Variants in NKAIN3 observed in about 807,000 individuals in gnomAD.
NKAIN3 encodes the protein sodium/potassium transporting ATPase interacting 3.
A neutral mutation model predicts 30.2 loss-of-function variants in NKAIN3; 25 were observed. The ratio of observed to expected loss-of-function variants is 0.83; its 90% CI spans 0.60 to 1.16. The LOEUF (loss-of-function observed/expected upper bound fraction) is 1.16, where lower values mean the gene tolerates loss of function less well. Ranked by LOEUF, NKAIN3 falls within the 50% of genes most tolerant of loss-of-function variation. NKAIN3 has a pLI of 0.00. For missense variants in NKAIN3, 225 were observed against 254.1 expected (o/e 0.89, Z 0.78); for synonymous variants, 91 against 89.6 (o/e 1.02, Z -0.09).
intron 1 of NKAIN3, among the ~76,000 whole-genome samples, chr8:62,389,014 G>A (rs140699643): frequency 1.3e-5 from 2 of 152,248 alleles, no homozygotes; most frequent in African/African-American, 2.4e-5. Context: ...GGAGCAGCCC[G>A]TATTGAGCTC....
At chr8:62,960,107 CTG>C (rs2130903943) in intron 6 of NKAIN3, among the ~76,000 whole-genome samples, 1 of 152,302 alleles carries the variant, frequency 6.6e-6, no homozygotes, top group East Asian at 1.9e-4. Context: ...AGTGAAATGG[CTG>C]TGTGTATATA....
At chr8:62,495,835 C>G (rs1807221261) in intron 1 of NKAIN3, among the ~76,000 whole-genome samples, 1 of 152,070 alleles carries the variant, frequency 6.6e-6, no homozygotes, top group Admixed American at 6.6e-5. Context: ...TTCCCAAAGT[C>G]AGATAGCTAA....
At chr8:62,500,076 A>T (rs1807378063) in intron 1 of NKAIN3, among the ~76,000 whole-genome samples, 1 of 152,116 alleles carries the variant, frequency 6.6e-6, no homozygotes, top group Admixed American at 6.6e-5. Context: ...ACCGCTTGTC[A>T]CTGGGCAAGA....
chr8:62,883,115 A>T (rs1190590922), intron 4 of NKAIN3, among the ~76,000 whole-genome samples: 3 of 152,102 alleles, frequency 2.0e-5, no homozygotes, highest in Non-Finnish European at 4.4e-5. Context: ...TGGGATTTTG[A>T]TTGGAATTTT....
chr8:62,534,221 C>T (rs1431988526), intron 1 of NKAIN3, among the ~76,000 whole-genome samples: 1 of 152,082 alleles, frequency 6.6e-6, no homozygotes, highest in Non-Finnish European at 1.5e-5. Context: ...ACAGGAAGCC[C>T]GGGTCTGAGT....
intron 1 of NKAIN3, among the ~76,000 whole-genome samples, chr8:62,462,688 C>T (rs187321282): frequency 1.6e-4 from 24 of 152,200 alleles, no homozygotes; most frequent in African/African-American, 5.8e-4. Context: ...TATATATTTA[C>T]CTGTACAACA....
At chr8:62,622,970 A>C (rs1159159422) in intron 3 of NKAIN3, among the ~76,000 whole-genome samples, 2 of 151,904 alleles carry the variant, frequency 1.3e-5, no homozygotes, top group Non-Finnish European at 2.9e-5. Context: ...CATATAAGAT[A>C]AAATTAATAT....
At chr8:62,863,524 G>A in intron 4 of NKAIN3, 1 of 1,414,332 alleles carries the variant, frequency 7.1e-7, no homozygotes, top group Non-Finnish European at 9.9e-7. Flanking sequence ...AGTTGAACTT[G>A]ATGATCCAGT....
chr8:62,696,516 G>A (rs1184426494), intron 3 of NKAIN3, among the ~76,000 whole-genome samples: 1 of 152,028 alleles, frequency 6.6e-6, no homozygotes, highest in Non-Finnish European at 1.5e-5. Flanking sequence ...TCCTTCCTAG[G>A]AGCTAAAGGA....
intron 5 of NKAIN3, chr8:62,990,284 G>T: frequency 2.0e-6 from 3 of 1,472,638 alleles, no homozygotes; most frequent in Non-Finnish European, 1.8e-6. Context: ...AGCCTCATGT[G>T]CTTCCTAAGA....
intron 4 of NKAIN3, among the ~76,000 whole-genome samples, chr8:62,778,900 G>A (rs894648457): frequency 6.6e-6 from 1 of 151,980 alleles, no homozygotes; most frequent in Non-Finnish European, 1.5e-5. Flanking sequence ...ATTATTCCAG[G>A]CCCAAAGGCT....
intron 4 of NKAIN3, among the ~76,000 whole-genome samples, chr8:62,788,303 T>C (rs1437782787): frequency 6.6e-6 from 1 of 152,244 alleles, no homozygotes; most frequent in East Asian, 1.9e-4. Flanking sequence ...GATGAGCATT[T>C]TTTCATGTGT....
chr8:62,838,324 A>G (rs1302767580), intron 4 of NKAIN3, among the ~76,000 whole-genome samples: 1 of 151,828 alleles, frequency 6.6e-6, no homozygotes, highest in Non-Finnish European at 1.5e-5. Context: ...ATATACATAT[A>G]TATATACACA....
chr8:62,561,133 G>A (rs1221165024), intron 1 of NKAIN3, among the ~76,000 whole-genome samples: 2 of 151,930 alleles, frequency 1.3e-5, no homozygotes, highest in East Asian at 3.9e-4. Flanking sequence ...GGGCTTTTTT[G>A]TTTGCACTCA....
At chr8:62,782,686 C>T (rs1392338998) in intron 4 of NKAIN3, among the ~76,000 whole-genome samples, 1 of 150,808 alleles carries the variant, frequency 6.6e-6, no homozygotes, top group Non-Finnish European at 1.5e-5. Flanking sequence ...AAGGCAAATA[C>T]TACATGTTCT....
intron 1 of NKAIN3, among the ~76,000 whole-genome samples, chr8:62,510,085 G>A (rs1326669256): frequency 6.6e-6 from 1 of 152,046 alleles, no homozygotes; most frequent in Non-Finnish European, 1.5e-5. Flanking sequence ...TTTTAAGAGG[G>A]CCTTAAAAGT....
intron 4 of NKAIN3, among the ~76,000 whole-genome samples, chr8:62,775,228 T>A (rs1817151812): frequency 6.6e-6 from 1 of 152,124 alleles, no homozygotes; most frequent in Admixed American, 6.6e-5. Context: ...TCCTTTGAAT[T>A]TCTGTAGTAT....
chr8:62,414,833 A>G (rs1309263778), intron 1 of NKAIN3, among the ~76,000 whole-genome samples: 2 of 151,752 alleles, frequency 1.3e-5, no homozygotes, highest in African/African-American at 2.4e-5. Flanking sequence ...GTAATTTATC[A>G]TTAATAATTT....
At chr8:62,290,460 T>C (rs57630599) in intron 1 of NKAIN3, among the ~76,000 whole-genome samples, 4,133 of 152,300 alleles carry the variant, frequency 0.027, 174 homozygotes, top group African/African-American at 0.092. Context: ...GAAGGGCTAT[T>C]GAATTTTGTC....
Sources: gnomAD v4.1 joint callset for allele counts (sites outside exome capture counted in the v4.1 genomes callset) on GRCh38, gnomAD v4.1.1 for gene constraint, MANE v1.5 for transcripts, NCBI Gene and HGNC (gene_info 2026-07-23, HGNC 2026-07-21) for gene names.